The following LAMA4 variants were observed in gnomAD, a reference collection of about 807,000 sequenced individuals.
LAMA4 encodes laminin subunit alpha 4, also known as laminin subunit alpha-4.
In LAMA4, 127 loss-of-function variants were observed where a neutral mutation model predicts 207.1. That is an observed-to-expected ratio of 0.61 (90% CI 0.53 to 0.71). The LOEUF (loss-of-function observed/expected upper bound fraction) is 0.71. Among genes scored for constraint, LAMA4 ranks in the 30% least tolerant of loss-of-function variants. The probability of loss-of-function intolerance (pLI) is 0.00; values close to 1 mark genes in which losing one functional copy is unlikely to be tolerated. For synonymous variants in LAMA4, 761 were observed against 816.0 expected (o/e 0.93, Z 1.15); for missense variants, 2,093 against 2,246.5 (o/e 0.93, Z 1.38).
chr6:112,249,726 G>A (rs1249001973), intron 2 of LAMA4, among the ~76,000 whole-genome samples: 1 of 152,052 alleles, frequency 6.6e-6, no homozygotes, highest in Non-Finnish European at 1.5e-5. Context: ...CATCAGTATC[G>A]GCATGTGGTA....
chr6:112,190,939 CTTT>C (rs1245216444), intron 6 of LAMA4, among the ~76,000 whole-genome samples: 1,689 of 44,490 alleles, frequency 0.038, 12 homozygotes, highest in African/African-American at 0.038. Flanking sequence ...TTCTTTCTTT[CTTT>C]CTTTCCTTTC....
At chr6:112,195,552 T>G (rs1219534171) in intron 5 of LAMA4, among the ~76,000 whole-genome samples, 1 of 152,218 alleles carries the variant, frequency 6.6e-6, no homozygotes, top group Non-Finnish European at 1.5e-5. Context: ...ATCATTGAAA[T>G]CATTATGATT....
intron 11 of LAMA4, among the ~76,000 whole-genome samples, chr6:112,174,626 G>A (rs1387481861): frequency 3.3e-5 from 5 of 152,150 alleles, no homozygotes; most frequent in African/African-American, 7.2e-5. Flanking sequence ...CCTAGTAGCT[G>A]GGACTACAGG....
At chr6:112,205,095 T>C (rs1783984092) in intron 4 of LAMA4, among the ~76,000 whole-genome samples, 3 of 152,212 alleles carry the variant, frequency 2.0e-5, no homozygotes, top group African/African-American at 7.2e-5. Context: ...CATTCAGATT[T>C]TAAAAAGTCA....
intron 11 of LAMA4, among the ~76,000 whole-genome samples, chr6:112,175,003 G>A (rs1583798508): frequency 6.6e-6 from 1 of 152,192 alleles, no homozygotes; most frequent in Admixed American, 6.5e-5. Context: ...TTCTTTAAAT[G>A]TAGTTCTGGG....
intron 9 of LAMA4, chr6:112,179,294 G>T (rs6899453): frequency 0.8 from 121,474 of 152,202 alleles, 49,451 homozygotes; most frequent in East Asian, 0.99. Flanking sequence ...TGTGCGTGGT[G>T]AAGGACAGAA....
At chr6:112,241,182 A>AAT (rs1165203872) in intron 2 of LAMA4, among the ~76,000 whole-genome samples, 110 of 103,696 alleles carry the variant, frequency 1.1e-3, no homozygotes, top group Non-Finnish European at 1.6e-3. Context: ...AATATATATG[A>AAT]ATATATATGA....
intron 24 of LAMA4, among the ~76,000 whole-genome samples, chr6:112,136,691 C>CAAAA (rs57602663): frequency 2.5e-5 from 3 of 118,172 alleles, no homozygotes; most frequent in Admixed American, 8.6e-5. Context: ...GACTCTGTCT[C>CAAAA]AAAAAAAAAA....
intron 16 of LAMA4, among the ~76,000 whole-genome samples, chr6:112,151,474 GTCATTTTTACACATTTTAATCT>G (rs1349569378): frequency 6.6e-6 from 1 of 152,062 alleles, no homozygotes; most frequent in Non-Finnish European, 1.5e-5. Flanking sequence ...TGGGAGAATT[GTCATTTTTACACATTTTAATCT>G]TCTACTCAAT....
intron 35 of LAMA4, among the ~76,000 whole-genome samples, chr6:112,116,269 A>G (rs996896861): frequency 4.6e-5 from 7 of 152,130 alleles, no homozygotes; most frequent in African/African-American, 1.7e-4. Flanking sequence ...AATTAATTCC[A>G]AGTAGCAGCA....
intron 14 of LAMA4, 75 bp downstream of exon 14, chr6:112,158,657 C>A: frequency 1.5e-6 from 2 of 1,376,922 alleles, no homozygotes; most frequent in Non-Finnish European, 1.0e-6. Context: ...CCCAGTAGTT[C>A]TGACATATGG....
chr6:112,113,463 G>A (rs1286149244), intron 38 of LAMA4, among the ~76,000 whole-genome samples: 4 of 152,198 alleles, frequency 2.6e-5, no homozygotes, highest in African/African-American at 7.2e-5. Flanking sequence ...TGCTTCACAG[G>A]TTTAAAACAA....
chr6:112,214,379 T>C (rs1012056981), intron 3 of LAMA4, among the ~76,000 whole-genome samples: 3 of 152,122 alleles, frequency 2.0e-5, no homozygotes, highest in Non-Finnish European at 4.4e-5. Flanking sequence ...CCACCATCCC[T>C]AGCCACTATA....
rs1183293011 is a variant in LAMA4, at chr6:112,254,489, G to A, written c.-172C>T. 3 of 392,634 alleles carry A rather than the reference G, an allele frequency of 7.6e-6. No homozygotes were observed. Among genetic ancestry groups the A allele is most frequent in the Non-Finnish European group, 1.4e-5 (3 of 207,714 alleles). 24.3% of individuals were successfully genotyped at this position (392,634 alleles called of 1,614,324 possible). ...GGCATCAAAAGGCAGACGGATTGGG[G>A]TGAGCCCCGCCAGCGCTAGGCCACC... is the stretch of plus-strand genomic sequence containing the variant. On this transcript the variant is annotated 5_prime_UTR_variant, in exon 1 of 39. Transcript: ENST00000230538.
At chr6:112,189,007 C>T (rs1782855414) in intron 7 of LAMA4, 103 bp downstream of exon 7, 1 of 842,374 alleles carries the variant, frequency 1.2e-6, no homozygotes, top group Non-Finnish European at 2.0e-6. Flanking sequence ...AGGGGTGGGA[C>T]TCAGCAGTTT....
At chr6:112,172,465 T>C (rs529106820) in intron 12 of LAMA4, 146 bp downstream of exon 12, 1 of 740,386 alleles carries the variant, frequency 1.4e-6, no homozygotes, top group Non-Finnish European at 2.2e-6. Context: ...GTTAGTAATT[T>C]ATAGCACCAA....
intron 3 of LAMA4, among the ~76,000 whole-genome samples, chr6:112,214,844 A>G (rs2115053598): frequency 6.6e-6 from 1 of 152,318 alleles, no homozygotes; most frequent in East Asian, 1.9e-4. Flanking sequence ...AGATAAAGCC[A>G]TGATTGCTCC....
At chr6:112,238,980 C>G (rs1037766852) in intron 2 of LAMA4, among the ~76,000 whole-genome samples, 2 of 152,104 alleles carry the variant, frequency 1.3e-5, no homozygotes, top group African/African-American at 4.8e-5. Context: ...CCTAATGTGA[C>G]TGTATTTGGA....
chr6:112,128,794 C>A, intron 31 of LAMA4, 128 bp downstream of exon 31: 2 of 750,246 alleles, frequency 2.7e-6, no homozygotes, highest in Non-Finnish European at 4.5e-6. Context: ...TGTGATACTG[C>A]AAGAATCCCA....
Sources: allele counts gnomAD v4.1 joint callset (sites outside exome capture counted in the v4.1 genomes callset), GRCh38; gene constraint gnomAD v4.1.1; transcripts MANE v1.5; gene names NCBI Gene and HGNC (gene_info 2026-07-23, HGNC 2026-07-21).